Variants in SQSTM1 observed in about 807,000 individuals in gnomAD.
The protein encoded by SQSTM1 is sequestosome-1.
A neutral mutation model predicts 45.1 loss-of-function variants in SQSTM1; 36 were observed. That is an observed-to-expected ratio of 0.80 (90% CI 0.61 to 1.05). The LOEUF (loss-of-function observed/expected upper bound fraction) is 1.05. SQSTM1 is among the 50% of genes least tolerant of loss of function. SQSTM1 has a pLI of 0.00. For missense variants in SQSTM1, 617 were observed against 607.1 expected, an observed-to-expected ratio of 1.02 and a Z score of -0.17; for synonymous variants, 290 against 244.3, an observed-to-expected ratio of 1.19 and a Z score of -1.74.
chr5:179,811,746 T>C (rs1021805269), intron 2 of SQSTM1: 13 of 152,076 alleles, frequency 8.5e-5, no homozygotes, highest in Admixed American at 6.6e-4. Context: ...TCTTCGGACT[T>C]CTGAGGGGGA....
intron 1 of SQSTM1, among the ~76,000 whole-genome samples, chr5:179,822,167 G>A (rs571377955): frequency 2.0e-5 from 3 of 152,154 alleles, no homozygotes; most frequent in Non-Finnish European, 4.4e-5. Flanking sequence ...TGCAATCCTG[G>A]ACATTTCATG....
rs770488972 is a variant in SQSTM1, at chr5:179,806,610, C to T, written c.-157+19C>T. 6.7e-6 allele frequency: 8 copies of T among 1,194,858 alleles called. No individual in the cohort carries two copies. Among genetic ancestry groups the T allele is most frequent in the Non-Finnish European group, 8.6e-6 (8 of 932,600 alleles). The allele number at this position is 1,194,858 out of a possible 1,614,324, so 74.0% of individuals were successfully genotyped here. A position where few individuals can be genotyped will look rare whatever the true frequency, so the allele number is the denominator to read the frequency against. ...TCCTCGGGTGCGCGGCGGGCGCCCGCGGGGCCGAGGCTGCATGGCCCGGGG... is the reference window on the plus strand; with the variant it reads ...TCCTCGGGTGCGCGGCGGGCGCCCGTGGGGCCGAGGCTGCATGGCCCGGGG... On this transcript the variant is annotated intron_variant, in intron 1 of 5. Coordinates refer to the SQSTM1 transcript ENST00000514093. The surrounding 1 kb of genome is among the most constrained non-coding windows in gnomAD (Gnocchi z 4.6).
chr5:179,808,406 G>T (rs550854587), intron 1 of SQSTM1: 3 of 152,336 alleles, frequency 2.0e-5, no homozygotes, highest in African/African-American at 7.2e-5. Context: ...GCCTTCTAGA[G>T]GAAACTGTCG....
chr5:179,836,457 A>C lies in SQSTM1; in HGVS notation c.1187A>C (p.Glu396Ala), dbSNP rs777527845. Residue 396 changes from glutamate to alanine, a missense_variant, in exon 8 of 8, where the codon GAG (glutamate) becomes GCG (alanine). By Grantham distance (107) the Glu-to-Ala change is moderately radical (BLOSUM62 -1). Coordinates refer to ENST00000389805, the MANE Select transcript of SQSTM1 (RefSeq NM_003900.5). ...LPPEADPRLI[E>A]SLSQMLSMGF... ...GCAGAGGCTGACCCGCGGCTGATTG[A>C]GTCCCTCTCCCAGATGCTGTCCATG... 2 of 1,614,094 alleles carry C rather than the reference A, an allele frequency of 1.2e-6. No homozygotes were observed. The highest frequency in any genetic ancestry group is 2.2e-5 in the South Asian group (2 of 91,082).
chr5:179,809,155 C>CTT (rs148749058), intron 1 of SQSTM1, among the ~76,000 whole-genome samples: 68 of 100,214 alleles, frequency 6.8e-4, no homozygotes, highest in Non-Finnish European at 8.6e-4. Flanking sequence ...CCACCCCGGC[C>CTT]TTTTTTTTTT....
Position 179,811,857 on chromosome 5 carries a change from T to G in SQSTM1, c.-48+175T>G, listed in dbSNP as rs573818667. The G allele has an allele frequency of 2.0e-3, 300 of 152,168 alleles. 1 individual carries two copies. The highest frequency in any genetic ancestry group is 2.4e-3 in the Admixed American group (37 of 15,282). 9.4% of individuals were successfully genotyped at this position (152,168 alleles called of 1,614,324 possible). A position where few individuals can be genotyped will look rare whatever the true frequency, so the allele number is the denominator to read the frequency against. On this transcript the variant is annotated intron_variant, in intron 2 of 5. Transcript: ENST00000514093. Reference sequence around the variant, plus strand: ...CGGTTCTCTGTCGCCCAGGCTGGAGTGCAGTGGCGCCATCTCGGCTCACTG... The same window carrying G: ...CGGTTCTCTGTCGCCCAGGCTGGAGGGCAGTGGCGCCATCTCGGCTCACTG...
At chr5:179,809,828 G>C (rs1337605873) in intron 1 of SQSTM1, among the ~76,000 whole-genome samples, 1 of 151,090 alleles carries the variant, frequency 6.6e-6, no homozygotes, top group African/African-American at 2.4e-5. Context: ...ATTTTTAGTA[G>C]AGATGGGGTT....
Position 179,836,739 on chromosome 5 carries a change from C to A in SQSTM1, c.*146C>A. 8.1e-7 allele frequency: 1 copy of A among 1,230,846 alleles called. No homozygotes were observed. The highest frequency in any genetic ancestry group is 1.2e-6 in the Non-Finnish European group (1 of 843,158). The allele number at this position is 1,230,846 out of a possible 1,614,324, so 76.2% of individuals were successfully genotyped here. ...GGGTGCAAGAAGCCATTTAGGGCAG[C>A]AAAACAAGTGACATGAAGGGAGGGT... On this transcript the variant is annotated 3_prime_UTR_variant, in exon 8 of 8. Coordinates refer to ENST00000389805, the MANE Select transcript of SQSTM1 (RefSeq NM_003900.5).
Position 179,837,036 on chromosome 5 carries a change from A to C in SQSTM1, c.*443A>C. On this transcript the variant is annotated 3_prime_UTR_variant, in exon 8 of 8. Coordinates refer to ENST00000389805, the MANE Select transcript of SQSTM1 (RefSeq NM_003900.5). ...GTAAGCCTAGGTGTTGTCAGCAGGCAGGCTGGGGAGGCCAGTGTTGTGGGC... is the reference window on the plus strand; with the variant it reads ...GTAAGCCTAGGTGTTGTCAGCAGGCCGGCTGGGGAGGCCAGTGTTGTGGGC... The C allele has an allele frequency of 1.6e-6, 1 of 640,728 alleles. No homozygotes were observed. Among genetic ancestry groups the C allele is most frequent in the Non-Finnish European group, 2.8e-6 (1 of 363,524 alleles). The allele number at this position is 640,728 out of a possible 1,614,324, so 39.7% of individuals were successfully genotyped here.
intron 1 of SQSTM1, among the ~76,000 whole-genome samples, chr5:179,810,610 TA>T (rs1260380450): frequency 6.6e-6 from 1 of 152,244 alleles, no homozygotes; most frequent in Admixed American, 6.5e-5. Context: ...GCATGATTTA[TA>T]ATCCTTTGGG....
intron 1 of SQSTM1, among the ~76,000 whole-genome samples, chr5:179,822,086 C>T (rs1381806729): frequency 2.6e-5 from 4 of 152,192 alleles, no homozygotes; most frequent in South Asian, 4.1e-4. Flanking sequence ...ACCTTATAAA[C>T]GCCATACATA....
chr5:179,817,572 A>G (rs1027102753), upstream of SQSTM1, among the ~76,000 whole-genome samples: 2 of 152,242 alleles, frequency 1.3e-5, no homozygotes, highest in East Asian at 1.9e-4. Flanking sequence ...ACAACTTGGC[A>G]TCACTGAATT....
chr5:179,824,012 C>T lies in SQSTM1; in HGVS notation c.456C>T (p.Ser152=), dbSNP rs145037913. ...CSVCPDYDLC[S]VCEGKGLHRG... is the part of the protein sequence containing the mutation. ...TCTGCCCAGACTACGACTTGTGTAG[C>T]GTCTGCGAGGGAAAGGGCTTGCACC... The change falls in exon 3 of 8, where the codon AGC becomes AGT. Residue 152 remains serine (S), a synonymous_variant. Coordinates refer to ENST00000389805, the MANE Select transcript of SQSTM1 (RefSeq NM_003900.5). 67 of 1,613,888 alleles carry T rather than the reference C, an allele frequency of 4.2e-5. No individual in the cohort carries two copies. The highest frequency in any genetic ancestry group is 3.8e-4 in the Admixed American group (23 of 60,010).
intron 5 of SQSTM1, among the ~76,000 whole-genome samples, chr5:179,827,251 C>T (rs1758032793): frequency 6.6e-6 from 1 of 152,194 alleles, no homozygotes; most frequent in South Asian, 2.1e-4. Flanking sequence ...CATCTCGGAA[C>T]TGAACTGGAC....
chr5:179,820,888 C>T (rs1450534509), upstream of SQSTM1: 5 of 1,430,546 alleles, frequency 3.5e-6, no homozygotes, highest in South Asian at 2.7e-5. Context: ...AAAAGCCGCG[C>T]GGCGGCTGCG....
intron 1 of SQSTM1, among the ~76,000 whole-genome samples, chr5:179,811,379 G>A (rs1757395675): frequency 2.6e-5 from 1 of 38,912 alleles, no homozygotes; most frequent in African/African-American, 6.6e-5. Context: ...GGAGGAGCAT[G>A]CAGGGGGAGG....
intron 1 of SQSTM1, chr5:179,822,752 G>C (rs1173750628): frequency 3.1e-6 from 2 of 642,300 alleles, no homozygotes; most frequent in Non-Finnish European, 5.7e-6. Flanking sequence ...CTGTGGTCCA[G>C]GGCCCAGGTC....
At chr5:179,807,842 G>C (rs899069925) in intron 1 of SQSTM1, 1 of 152,228 alleles carries the variant, frequency 6.6e-6, no homozygotes, top group Non-Finnish European at 1.5e-5. Context: ...TAGTAGACAC[G>C]AGGTTTCACC....
At chr5:179,821,366 G>A (rs1183755485) in intron 1 of SQSTM1, among the ~76,000 whole-genome samples, 2 of 152,194 alleles carry the variant, frequency 1.3e-5, no homozygotes, top group Non-Finnish European at 1.5e-5. Flanking sequence ...GCTCAGCGTC[G>A]GCCCCCTGGG....
Sources: gnomAD v4.1 joint callset for allele counts (sites outside exome capture counted in the v4.1 genomes callset) on GRCh38, gnomAD v4.1.1 for gene constraint, Gnocchi (gnomAD v3.1) non-coding constraint, MANE v1.5 for transcripts, NCBI Gene and HGNC (gene_info 2026-07-23, HGNC 2026-07-21) for gene names.